Variants in COL26A1 observed in about 807,000 individuals in gnomAD.
The protein encoded by COL26A1 is collagen type XXVI alpha 1 chain.
A neutral mutation model predicts 59.3 loss-of-function variants in COL26A1; 41 were observed. The ratio of observed to expected loss-of-function variants is 0.69; its 90% confidence interval spans 0.54 to 0.90. COL26A1 has a LOEUF of 0.90. Ranked by LOEUF, COL26A1 falls within the 40% of genes least tolerant of loss-of-function variation. The pLI is 0.00. For missense variants in COL26A1, 612 were observed against 602.3 expected, an observed-to-expected ratio of 1.02 and a Z score of -0.17; for synonymous variants, 266 against 256.0, an observed-to-expected ratio of 1.04 and a Z score of -0.37.
At chr7:101,532,247 C>A (rs375924258) in intron 3 of COL26A1, among the ~76,000 whole-genome samples, 2 of 152,190 alleles carry the variant, frequency 1.3e-5, no homozygotes, top group African/African-American at 4.8e-5. Context: ...TCCAGTCCCT[C>A]CCACTTCCAT....
chr7:101,546,809 G>C (rs1169464295), intron 7 of COL26A1, among the ~76,000 whole-genome samples: 1 of 152,178 alleles, frequency 6.6e-6, no homozygotes, highest in African/African-American at 2.4e-5. Flanking sequence ...TGAGCCAGTT[G>C]GGTGCAGCAG....
At chr7:101,489,651 T>TTCTTTCTTTCTTTTCTGTCTG (rs1794348775) in intron 3 of COL26A1, among the ~76,000 whole-genome samples, 1 of 76,394 alleles carries the variant, frequency 1.3e-5, no homozygotes, top group African/African-American at 1.1e-4. Flanking sequence ...CTTTCTTTCT[T>TTCTTTCTTTCTTTTCTGTCTG]TCTTTCTTTC....
intron 3 of COL26A1, among the ~76,000 whole-genome samples, chr7:101,477,409 C>T (rs747797879): frequency 6.6e-6 from 1 of 152,136 alleles, no homozygotes; most frequent in Non-Finnish European, 1.5e-5. Flanking sequence ...GCAGTGAGTG[C>T]ATAGTATGTG....
At chr7:101,410,413 A>G (rs975712430) in intron 1 of COL26A1, among the ~76,000 whole-genome samples, 2 of 150,482 alleles carry the variant, frequency 1.3e-5, no homozygotes, top group African/African-American at 4.8e-5. Context: ...TTACATGACT[A>G]AGGATCATTG....
chr7:101,522,695 C>T (rs111424515), intron 3 of COL26A1, among the ~76,000 whole-genome samples: 5,858 of 151,998 alleles, frequency 0.039, 375 homozygotes, highest in African/African-American at 0.13. Flanking sequence ...TGTCATAGAG[C>T]GGGCTTATAT....
At chr7:101,527,525 G>T (rs902285935) in intron 3 of COL26A1, among the ~76,000 whole-genome samples, 1 of 150,570 alleles carries the variant, frequency 6.6e-6, no homozygotes, top group African/African-American at 2.5e-5. Context: ...TAGTAGCGAC[G>T]GGGTTTCACC....
chr7:101,503,170 T>C (rs774141508), intron 3 of COL26A1, among the ~76,000 whole-genome samples: 1 of 152,168 alleles, frequency 6.6e-6, no homozygotes, highest in Non-Finnish European at 1.5e-5. Flanking sequence ...GAACTGGGTG[T>C]TGGGGCAAGG....
Position 101,541,457 on chromosome 7 carries a change from G to C in COL26A1, c.604+1408G>C, listed in dbSNP as rs186277260. On this transcript the variant is annotated intron_variant, in intron 5 of 12. Coordinates refer to ENST00000313669, the MANE Select transcript of COL26A1 (RefSeq NM_001278563.3). ...TCTCCGAGGCTCAGGTGATCCTCCTGCCTCAGCCTCCCAAGTAGTTGGGAC... is the reference window on the plus strand; with the variant it reads ...TCTCCGAGGCTCAGGTGATCCTCCTCCCTCAGCCTCCCAAGTAGTTGGGAC... 6.3e-4 allele frequency among the ~76,000 whole-genome samples: 95 copies of C among 151,488 alleles called. 1 individual carries two copies. Among genetic ancestry groups the C allele is most frequent in the African/African-American group, 2.2e-3 (92 of 41,224 alleles).
chr7:101,488,825 C>G lies in COL26A1; in HGVS notation c.385+41038C>G, dbSNP rs1332644728. Among the ~76,000 whole-genome samples, 3 of 152,258 alleles carry G rather than the reference C, an allele frequency of 2.0e-5. No individual in the cohort carries two copies. The East Asian group carries it at 5.8e-4, about 29-fold the overall frequency. ...GGAAAAAAAGTTTATTGTGTGTGTC[C>G]TGTCTAGCGCACTCTTCCAGGTTAG... On this transcript the variant is annotated intron_variant, in intron 3 of 12. Coordinates refer to ENST00000313669, the MANE Select transcript of COL26A1 (RefSeq NM_001278563.3).
intron 1 of COL26A1, among the ~76,000 whole-genome samples, chr7:101,397,777 G>A (rs549040539): frequency 6.6e-6 from 1 of 152,208 alleles, no homozygotes; most frequent in South Asian, 2.1e-4. Context: ...GCTTCAAGCA[G>A]TCTTCCCACC....
At chr7:101,401,643 A>T (rs1792002812) in intron 1 of COL26A1, among the ~76,000 whole-genome samples, 1 of 114,916 alleles carries the variant, frequency 8.7e-6, no homozygotes, top group Non-Finnish European at 2.1e-5. Flanking sequence ...GAAGAGGGAG[A>T]GGAGGAGGTG....
chr7:101,522,012 C>T (rs953872051), intron 3 of COL26A1, among the ~76,000 whole-genome samples: 4 of 152,098 alleles, frequency 2.6e-5, no homozygotes, highest in African/African-American at 9.7e-5. Flanking sequence ...TCCAGTTGGC[C>T]ATTAATAGGA....
intron 3 of COL26A1, among the ~76,000 whole-genome samples, chr7:101,464,493 A>G (rs376181761): frequency 6.7e-6 from 1 of 148,164 alleles, no homozygotes; most frequent in East Asian, 2.0e-4. Context: ...GCTCACCACA[A>G]CTCTGCCTCC....
intron 3 of COL26A1, among the ~76,000 whole-genome samples, chr7:101,507,139 G>A (rs903049136): frequency 2.6e-5 from 4 of 151,914 alleles, no homozygotes; most frequent in Non-Finnish European, 4.4e-5. Flanking sequence ...GGTCTCAAAC[G>A]CCTGGCCTCA....
chr7:101,444,519 A>T lies in COL26A1; in HGVS notation c.282-3165A>T, dbSNP rs1793139379. Among the ~76,000 whole-genome samples the T allele has an allele frequency of 2.0e-5, 3 of 149,236 alleles. No homozygotes were observed. The South Asian group carries it at 6.3e-4, about 31-fold the overall frequency. ...CAACTCCGCCTCCTGGGTTCAAATG[A>T]TTCTCCTGCGTCAACCTCCCGAGTA... On this transcript the variant is annotated intron_variant, in intron 2 of 12. Coordinates refer to ENST00000313669, the MANE Select transcript of COL26A1 (RefSeq NM_001278563.3).
At chr7:101,468,884 C>T (rs1793828218) in intron 3 of COL26A1, among the ~76,000 whole-genome samples, 1 of 152,194 alleles carries the variant, frequency 6.6e-6, no homozygotes, top group South Asian at 2.1e-4. Context: ...TGGCAGTTCC[C>T]AGGCCTGGCT....
At chr7:101,547,291 G>T in intron 8 of COL26A1, 52 bp downstream of exon 8, 1 of 1,353,016 alleles carries the variant, frequency 7.4e-7, no homozygotes, top group Non-Finnish European at 1.0e-6. Flanking sequence ...CCCCAGGGCT[G>T]GCCTGAGCCA....
intron 1 of COL26A1, among the ~76,000 whole-genome samples, chr7:101,379,270 C>A (rs144957843): frequency 6.6e-6 from 1 of 152,096 alleles, no homozygotes; most frequent in Non-Finnish European, 1.5e-5. Context: ...TTTTGTTCTG[C>A]GACTGATGAC....
chr7:101,405,630 G>A (rs545921565), intron 1 of COL26A1, among the ~76,000 whole-genome samples: 2 of 152,004 alleles, frequency 1.3e-5, no homozygotes, highest in Non-Finnish European at 2.9e-5. Flanking sequence ...CTTTTCTCAC[G>A]TGGTCCTCCC....
Sources: gnomAD v4.1 joint callset for allele counts (sites outside exome capture counted in the v4.1 genomes callset) on GRCh38, gnomAD v4.1.1 for gene constraint, MANE v1.5 for transcripts, NCBI Gene and HGNC (gene_info 2026-07-23, HGNC 2026-07-21) for gene names.